The following EIF4G3 variants were observed in gnomAD, a reference collection of about 807,000 sequenced individuals.
The protein encoded by EIF4G3 is eukaryotic translation initiation factor 4 gamma 3.
Under a neutral mutation model 186.4 loss-of-function variants are expected in EIF4G3, and 34 were observed. That is an observed-to-expected ratio of 0.18 (90% CI 0.14 to 0.24). The LOEUF (loss-of-function observed/expected upper bound fraction) is 0.24, where lower values mean the gene tolerates loss of function less well. EIF4G3 is among the 10% of genes least tolerant of loss of function. The pLI, the probability that EIF4G3 is intolerant of heterozygous loss-of-function variation, is 1.00. For missense variants in EIF4G3, 1,536 were observed against 1,948.5 expected, an observed-to-expected ratio of 0.79 and a Z score of 3.99; for synonymous variants, 673 against 679.5, an observed-to-expected ratio of 0.99 and a Z score of 0.15.
chr1:21,001,417 G>A (rs190198781), intron 5 of EIF4G3, 105 bp from the exon 6 acceptor site: 1 of 426,664 alleles, frequency 2.3e-6, no homozygotes, highest in African/African-American at 2.0e-5. Context: ...CAGAAATTAG[G>A]GTTGGGGGTA....
chr1:21,012,009 T>C (rs2087261660), intron 4 of EIF4G3, among the ~76,000 whole-genome samples: 2 of 152,142 alleles, frequency 1.3e-5, no homozygotes, highest in Non-Finnish European at 2.9e-5. Flanking sequence ...GCACATAGGA[T>C]TGAGAAGCCC....
chr1:21,132,863 A>C (rs1423466329), intron 2 of EIF4G3, among the ~76,000 whole-genome samples: 1 of 151,990 alleles, frequency 6.6e-6, no homozygotes, highest in East Asian at 1.9e-4. Flanking sequence ...GCTCACTGCA[A>C]CTTCCGCCTC....
At chr1:20,830,423 G>A (rs990588230) in intron 30 of EIF4G3, among the ~76,000 whole-genome samples, 1 of 152,136 alleles carries the variant, frequency 6.6e-6, no homozygotes, top group Admixed American at 6.5e-5. Flanking sequence ...TGCCGAGGAC[G>A]GTGTCTGTGC....
At chr1:20,985,344 T>C (rs922996622) in intron 7 of EIF4G3, among the ~76,000 whole-genome samples, 1 of 152,150 alleles carries the variant, frequency 6.6e-6, no homozygotes, top group African/African-American at 2.4e-5. Flanking sequence ...TAAAAGCGTA[T>C]CCTTGGCATA....
intron 15 of EIF4G3, among the ~76,000 whole-genome samples, chr1:20,902,342 G>T (rs575832279): frequency 6.6e-6 from 1 of 152,126 alleles, no homozygotes. Context: ...GATTACAGGC[G>T]TAAGCCACCA....
Position 20,865,104 on chromosome 1 carries a change from GA to G in EIF4G3, c.2769+11del. The G allele has an allele frequency of 6.2e-7, 1 of 1,613,822 alleles. No homozygotes were observed. The highest frequency in any genetic ancestry group is 8.5e-7 in the Non-Finnish European group (1 of 1,179,892). ...AAGTGTACAAGCACTGTCTTTCTATGAAAATACTTACAGCACTGGCAGCCTC... is the reference window on the plus strand; with the variant it reads ...AAGTGTACAAGCACTGTCTTTCTATGAAATACTTACAGCACTGGCAGCCTC... On this transcript the variant is annotated intron_variant, in intron 21 of 36. Coordinates refer to ENST00000602326, the MANE Select transcript of EIF4G3 (RefSeq NM_001391906.1).
intron 2 of EIF4G3, among the ~76,000 whole-genome samples, chr1:21,144,523 C>G (rs1360304426): frequency 6.6e-6 from 1 of 151,938 alleles, no homozygotes; most frequent in Non-Finnish European, 1.5e-5. Context: ...TCCCAAAGTG[C>G]TAGACTTACA....
chr1:20,929,374 G>T (rs1398730878), intron 14 of EIF4G3: 3 of 152,082 alleles, frequency 2.0e-5, no homozygotes, highest in Non-Finnish European at 4.4e-5. Context: ...GACATAATGG[G>T]TACAAAAACT....
At chr1:20,906,897 A>T (rs1027845805) in intron 14 of EIF4G3, among the ~76,000 whole-genome samples, 1 of 151,968 alleles carries the variant, frequency 6.6e-6, no homozygotes, top group Non-Finnish European at 1.5e-5. Context: ...ACAATTACTG[A>T]TAGAAAGGTG....
intron 12 of EIF4G3, among the ~76,000 whole-genome samples, chr1:20,964,041 A>G (rs935760665): frequency 6.6e-6 from 1 of 152,184 alleles, no homozygotes; most frequent in African/African-American, 2.4e-5. Context: ...CCGGGTTTCA[A>G]TGAAGACTAT....
intron 2 of EIF4G3, among the ~76,000 whole-genome samples, chr1:21,144,304 G>A (rs1334609316): frequency 1.3e-5 from 2 of 152,114 alleles, no homozygotes; most frequent in African/African-American, 2.4e-5. Flanking sequence ...GCTAAAGTGC[G>A]CTGGCACAAT....
chr1:20,889,594 C>T (rs1234443338), intron 18 of EIF4G3, among the ~76,000 whole-genome samples: 1 of 152,000 alleles, frequency 6.6e-6, no homozygotes, highest in Non-Finnish European at 1.5e-5. Flanking sequence ...GGGCTTACAC[C>T]ATTCTCCTGC....
chr1:20,941,159 C>A (rs1201142385), intron 14 of EIF4G3: 1 of 1,434,382 alleles, frequency 7.0e-7, no homozygotes. Context: ...TGTTTTCTAG[C>A]CCCAAAGCAG....
intron 18 of EIF4G3, chr1:20,892,769 G>T: frequency 2.2e-6 from 3 of 1,355,170 alleles, no homozygotes; most frequent in Non-Finnish European, 2.0e-6. Flanking sequence ...TTAGCTGAAT[G>T]TCATCAGAGA....
intron 4 of EIF4G3, among the ~76,000 whole-genome samples, chr1:21,012,837 TC>T (rs1290756447): frequency 1.3e-5 from 2 of 151,968 alleles, no homozygotes; most frequent in Non-Finnish European, 2.9e-5. Flanking sequence ...AATCCACAGA[TC>T]CTCTAAAAGA....
Position 20,899,807 on chromosome 1 carries a change from GCTT to G in EIF4G3, c.1886_1888del (p.Glu629del), listed in dbSNP as rs756740897. 2.5e-6 allele frequency: 4 copies of G among 1,614,112 alleles called. No individual in the cohort carries two copies. The highest frequency in any genetic ancestry group is 2.7e-5 in the African/African-American group (2 of 75,042). Reference sequence around the variant, plus strand: ...CTCAGCACCATTACGTACTGGCTCAGCTTCTTCTCCATTTTCTTCCACAGCTTT... The same window carrying G: ...CTCAGCACCATTACGTACTGGCTCAGCTTCTCCATTTTCTTCCACAGCTTT... On this transcript the variant is annotated inframe_deletion, in exon 16 of 37. Transcript: ENST00000602326.
At chr1:20,964,609 TC>T (rs1167082877) in intron 12 of EIF4G3, among the ~76,000 whole-genome samples, 4 of 152,182 alleles carry the variant, frequency 2.6e-5, no homozygotes, top group Admixed American at 2.6e-4. Flanking sequence ...CTCAATTAAC[TC>T]ATAGCTTGTG....
chr1:21,176,317 C>T lies in EIF4G3; in HGVS notation c.-414G>A, dbSNP rs2098106593. 3.7e-6 allele frequency: 1 copy of T among 267,880 alleles called. No individual in the cohort carries two copies. The highest frequency in any genetic ancestry group is 6.8e-6 in the Non-Finnish European group (1 of 147,838). The allele number at this position is 267,880 out of a possible 1,614,324, so 16.6% of individuals were successfully genotyped here. A position where few individuals can be genotyped will look rare whatever the true frequency, so the allele number is the denominator to read the frequency against. On this transcript the variant is annotated 5_prime_UTR_variant, in exon 2 of 37. Coordinates refer to ENST00000602326, the MANE Select transcript of EIF4G3 (RefSeq NM_001391906.1). Reference sequence around the variant, plus strand: ...GGTACCGCTGCTGCCGCCGCCGCCGCCGCTCCGGTGCCGGGTCCGGTTCCT... The same window carrying T: ...GGTACCGCTGCTGCCGCCGCCGCCGTCGCTCCGGTGCCGGGTCCGGTTCCT...
At chr1:20,868,958 C>A (rs1302305519) in intron 20 of EIF4G3, among the ~76,000 whole-genome samples, 1 of 152,106 alleles carries the variant, frequency 6.6e-6, no homozygotes, top group African/African-American at 2.4e-5. Context: ...AGCAACAGGG[C>A]CTATACTGCT....
Sources: allele counts gnomAD v4.1 joint callset (sites outside exome capture counted in the v4.1 genomes callset), GRCh38; gene constraint gnomAD v4.1.1; transcripts MANE v1.5; gene names NCBI Gene and HGNC (gene_info 2026-07-23, HGNC 2026-07-21).